COL22A1: variants seen among roughly 807,000 people sequenced by gnomAD.
COL22A1 encodes collagen type XXII alpha 1 chain, also known as collagen alpha-1(XXII) chain.
Under a neutral mutation model 248.9 loss-of-function variants are expected in COL22A1, and 221 were observed. That is an observed-to-expected ratio of 0.89 (90% CI 0.80 to 0.99). The LOEUF (loss-of-function observed/expected upper bound fraction) is 0.99. Among genes scored for constraint, COL22A1 ranks in the 50% least tolerant of loss-of-function variants. The pLI is 0.00. For missense variants in COL22A1, 2,240 were observed against 2,179.0 expected, an observed-to-expected ratio of 1.03 and a Z score of -0.56; for synonymous variants, 891 against 793.4, an observed-to-expected ratio of 1.12 and a Z score of -2.07.
At chr8:138,898,037 G>A (rs1453475894) in intron 1 of COL22A1, among the ~76,000 whole-genome samples, 1 of 152,126 alleles carries the variant, frequency 6.6e-6, no homozygotes, top group Non-Finnish European at 1.5e-5. Flanking sequence ...GATCTCTCAG[G>A]CCTCTTTCAT....
intron 15 of COL22A1, among the ~76,000 whole-genome samples, chr8:138,776,229 C>T (rs577722232): frequency 1.1e-4 from 17 of 152,272 alleles, no homozygotes; most frequent in East Asian, 7.7e-4. Context: ...CAGAGTGAGA[C>T]GTGAGTTCCT....
Position 138,722,861 on chromosome 8 carries a change from T to TGG in COL22A1, c.2248-774_2248-773dup, listed in dbSNP as rs1399105401. Among the ~76,000 whole-genome samples the TGG allele has an allele frequency of 1.6e-4, 3 of 18,228 alleles. 1 individual carries two copies. The highest frequency in any genetic ancestry group is 3.2e-4 in the Non-Finnish European group (3 of 9,376). 12.0% of individuals were successfully genotyped at this position (18,228 alleles called of 152,430 possible). ...GGGTCACATGGGGGCGGGGGGGGGG[T>TGG]GGTGGAAAACACACCCTGGGGCCTG... On this transcript the variant is annotated intron_variant, in intron 25 of 64. Coordinates refer to ENST00000303045, the MANE Select transcript of COL22A1 (RefSeq NM_152888.3).
intron 31 of COL22A1, 52 bp from the exon 32 acceptor site, chr8:138,700,196 T>A: frequency 6.3e-7 from 1 of 1,587,692 alleles, no homozygotes; most frequent in Non-Finnish European, 8.6e-7. Flanking sequence ...GAACCCAGTG[T>A]TTCATTTTTA....
intron 22 of COL22A1, among the ~76,000 whole-genome samples, chr8:138,737,979 C>T (rs189341626): frequency 7.9e-5 from 12 of 152,242 alleles, no homozygotes; most frequent in Middle Eastern, 3.4e-3. Flanking sequence ...GCCTTACACA[C>T]GCACACACAC....
chr8:138,762,433 G>A lies in COL22A1; in HGVS notation c.1837C>T (p.Pro613Ser), dbSNP rs565575065. The change falls in exon 17 of 65, where the codon CCT (proline) becomes TCT (serine). Residue 613 changes from proline to serine, a missense_variant. Physicochemically the swap from Pro to Ser is moderately conservative, Grantham distance 74 (BLOSUM62 -1). Transcript: ENST00000303045. ...CCTACCTGCTGTCCTGTGTCCCCAG[G>A]CTTCCCAGGGAATCCATCCAGGCCT... The part of the protein sequence containing the change: ...ERGLDGFPGK[P>S]GDTGQQGRPG... The A allele has an allele frequency of 6.2e-7, 1 of 1,614,078 alleles. No individual in the cohort carries two copies. The highest frequency in any genetic ancestry group is 1.1e-5 in the South Asian group (1 of 91,076).
Position 138,777,070 on chromosome 8 carries a change from C to G in COL22A1, c.1759-1060G>C, listed in dbSNP as rs114415344. 1.9e-3 allele frequency among the ~76,000 whole-genome samples: 284 copies of G among 152,326 alleles called. 1 individual carries two copies. The highest frequency in any genetic ancestry group is 6.5e-3 in the African/African-American group (270 of 41,578). On this transcript the variant is annotated intron_variant, in intron 15 of 64. Transcript: ENST00000303045. ...AGGCAATGGCGCAGGGTAGGGACCT[C>G]CAGGATGAGCAGGAACATGTCCTGT...
At chr8:138,897,186 T>C (rs934912727) in intron 1 of COL22A1, among the ~76,000 whole-genome samples, 1 of 152,112 alleles carries the variant, frequency 6.6e-6, no homozygotes, top group African/African-American at 2.4e-5. Flanking sequence ...AATCCAGGCC[T>C]GGAGAAGGAA....
chr8:138,671,437 G>A lies in COL22A1; in HGVS notation c.3150+5121C>T, dbSNP rs1038355545. ...ACCGTAGTACTATAATAATTTCATG[G>A]CCACCTCCTGTTGCGATTGTGGTGA... On this transcript the variant is annotated intron_variant, in intron 41 of 64. Transcript: ENST00000303045. Among the ~76,000 whole-genome samples the A allele has an allele frequency of 1.4e-4, 21 of 152,292 alleles. No individual in the cohort carries two copies. In the East Asian group the frequency reaches 2.5e-3, roughly 18 times the overall value.
intron 29 of COL22A1, 123 bp from the exon 30 acceptor site, chr8:138,715,858 G>T: frequency 1.4e-6 from 1 of 724,258 alleles, no homozygotes; most frequent in Non-Finnish European, 2.3e-6. Context: ...TCTCTCACTT[G>T]TCCTTGCCTT....
At chr8:138,602,072 G>A (rs1818065845) in intron 60 of COL22A1, 43 bp downstream of exon 60, 1 of 1,611,312 alleles carries the variant, frequency 6.2e-7, no homozygotes, top group Non-Finnish European at 8.5e-7. Flanking sequence ...ACTGTGCAAA[G>A]GTCGCGTTCG....
intron 1 of COL22A1, among the ~76,000 whole-genome samples, chr8:138,883,954 ACC>A (rs1824444289): frequency 6.6e-6 from 1 of 151,962 alleles, no homozygotes; most frequent in Non-Finnish European, 1.5e-5. Context: ...GCCATGATCT[ACC>A]CACCCTGTCC....
intron 1 of COL22A1, among the ~76,000 whole-genome samples, chr8:138,884,890 A>C (rs954010911): frequency 4.0e-5 from 6 of 150,400 alleles, no homozygotes; most frequent in African/African-American, 1.5e-4. Context: ...ATCAGAAGAG[A>C]AGCTCCAAAA....
intron 56 of COL22A1, among the ~76,000 whole-genome samples, chr8:138,608,261 A>G (rs1818578245): frequency 6.6e-6 from 1 of 152,238 alleles, no homozygotes; most frequent in Admixed American, 6.5e-5. Flanking sequence ...CAGCTGAGGC[A>G]TAGTAAATAA....
intron 1 of COL22A1, among the ~76,000 whole-genome samples, chr8:138,901,393 C>T (rs1169259268): frequency 5.5e-4 from 71 of 129,166 alleles, no homozygotes; most frequent in African/African-American, 2.0e-3. Flanking sequence ...TTGAGACAGT[C>T]TCTCACTCTA....
chr8:138,673,490 T>C (rs2130784320), intron 41 of COL22A1, among the ~76,000 whole-genome samples: 1 of 152,284 alleles, frequency 6.6e-6, no homozygotes, highest in Middle Eastern at 3.4e-3. Flanking sequence ...ATTACAGGCA[T>C]GAGCCACCAT....
chr8:138,719,092 C>T (rs1399038231), intron 27 of COL22A1, among the ~76,000 whole-genome samples: 3 of 152,114 alleles, frequency 2.0e-5, no homozygotes, highest in East Asian at 1.9e-4. Flanking sequence ...CCATGAAATT[C>T]GTGAAGTCAA....
intron 3 of COL22A1, among the ~76,000 whole-genome samples, chr8:138,855,765 T>A (rs1821962148): frequency 6.6e-6 from 1 of 152,178 alleles, no homozygotes; most frequent in Non-Finnish European, 1.5e-5. Flanking sequence ...GCAACACCAA[T>A]TCCTTTTCTG....
intron 39 of COL22A1, among the ~76,000 whole-genome samples, chr8:138,680,234 G>T (rs951074177): frequency 3.3e-5 from 5 of 152,194 alleles, no homozygotes; most frequent in African/African-American, 7.2e-5. Context: ...AAGTGTGGGG[G>T]TTGTAGACGG....
intron 3 of COL22A1, among the ~76,000 whole-genome samples, chr8:138,849,942 C>T (rs9644504): frequency 0.14 from 21,696 of 152,210 alleles, 1,697 homozygotes; most frequent in East Asian, 0.25. Context: ...CAGCATTACA[C>T]ACAGGCTCTC....
Sources: gnomAD v4.1 joint callset for allele counts (sites outside exome capture counted in the v4.1 genomes callset) on GRCh38, gnomAD v4.1.1 for gene constraint, MANE v1.5 for transcripts, NCBI Gene and HGNC (gene_info 2026-07-23, HGNC 2026-07-21) for gene names.